The following MAGI1 variants were observed in gnomAD, a reference collection of about 807,000 sequenced individuals.
MAGI1 encodes membrane associated guanylate kinase, WW and PDZ domain containing 1.
A neutral mutation model predicts 139.9 loss-of-function variants in MAGI1; 58 were observed. The ratio of observed to expected loss-of-function variants is 0.41; its 90% CI spans 0.34 to 0.52. The LOEUF (loss-of-function observed/expected upper bound fraction) is 0.52, where lower values mean the gene tolerates loss of function less well. Ranked by LOEUF, MAGI1 falls within the 20% of genes least tolerant of loss-of-function variation. The pLI, the probability that MAGI1 is intolerant of heterozygous loss-of-function variation, is 0.12. For missense variants in MAGI1, 1,874 were observed against 1,901.6 expected, an observed-to-expected ratio of 0.99 and a Z score of 0.27; for synonymous variants, 812 against 737.9, an observed-to-expected ratio of 1.10 and a Z score of -1.63.
intron 1 of MAGI1, among the ~76,000 whole-genome samples, chr3:65,981,441 A>T (rs1317744446): frequency 6.6e-6 from 1 of 152,186 alleles, no homozygotes; most frequent in Admixed American, 6.5e-5. Context: ...GGTTTCTCAA[A>T]TCCTGCCTGA....
intron 1 of MAGI1, among the ~76,000 whole-genome samples, chr3:66,011,664 C>A (rs2067325971): frequency 6.6e-6 from 1 of 152,112 alleles, no homozygotes; most frequent in Non-Finnish European, 1.5e-5. Context: ...ATCTCAATGT[C>A]AGAGCTTCCT....
chr3:65,415,141 T>A (rs2107229355), intron 12 of MAGI1, among the ~76,000 whole-genome samples: 1 of 152,282 alleles, frequency 6.6e-6, no homozygotes, highest in South Asian at 2.1e-4. Context: ...CATTATTGTT[T>A]ACTGAAGGAA....
At position 65,604,567 on chromosome 3, in the gene MAGI1, T is replaced by G. The variant is rs541728736; in HGVS notation, c.430+17405A>C. Among the ~76,000 whole-genome samples the G allele has an allele frequency of 5.3e-5, 8 of 152,234 alleles. No homozygotes were observed. In the East Asian group the frequency reaches 1.5e-3, roughly 29 times the overall value. ...TGTCAGAGACAAATAATAAATCACT[T>G]CACAGTTATTTATATATTCATAGAG... On this transcript the variant is annotated intron_variant, in intron 2 of 22. Transcript: ENST00000402939.
At chr3:65,359,905 AGG>A (rs1940629904) in intron 22 of MAGI1, 1 of 985,290 alleles carries the variant, frequency 1.0e-6, no homozygotes, top group African/African-American at 1.7e-5. Flanking sequence ...AAGACAGAAA[AGG>A]GAGACAATGT....
At chr3:65,399,844 C>T (rs1944713199) in intron 13 of MAGI1, among the ~76,000 whole-genome samples, 1 of 152,124 alleles carries the variant, frequency 6.6e-6, no homozygotes, top group Non-Finnish European at 1.5e-5. Flanking sequence ...AAATCCTTTG[C>T]ACACTAAATT....
intron 2 of MAGI1, chr3:65,549,620 C>T (rs1273166919): frequency 3.8e-5 from 11 of 287,366 alleles, no homozygotes; most frequent in East Asian, 1.8e-4. Context: ...CTCCGGGCTG[C>T]GGCTGGTACC....
intron 4 of MAGI1, among the ~76,000 whole-genome samples, chr3:65,477,450 T>C (rs2107609278): frequency 6.6e-6 from 1 of 152,202 alleles, no homozygotes; most frequent in South Asian, 2.1e-4. Flanking sequence ...GAGGATAATC[T>C]CATATGTTGA....
At chr3:66,025,864 C>T (rs1383182963) in intron 1 of MAGI1, among the ~76,000 whole-genome samples, 1 of 151,848 alleles carries the variant, frequency 6.6e-6, no homozygotes, top group East Asian at 1.9e-4. Context: ...TTAAATTTCA[C>T]CAGGAAAATA....
At chr3:65,444,947 G>A (rs150077295) in intron 7 of MAGI1, among the ~76,000 whole-genome samples, 13 of 152,260 alleles carry the variant, frequency 8.5e-5, no homozygotes, top group Admixed American at 2.0e-4. Context: ...ATGGGTCATC[G>A]ATTTTAAATA....
At chr3:65,881,304 T>C (rs189546092) in intron 1 of MAGI1, among the ~76,000 whole-genome samples, 154 of 152,246 alleles carry the variant, frequency 1.0e-3, no homozygotes, top group Non-Finnish European at 1.7e-3. Flanking sequence ...ATAATAAATA[T>C]CTGATCAATG....
At chr3:65,601,726 A>G (rs1038709965) in intron 2 of MAGI1, among the ~76,000 whole-genome samples, 1 of 135,340 alleles carries the variant, frequency 7.4e-6, no homozygotes, top group South Asian at 2.1e-4. Context: ...CCAAAAGCAC[A>G]AATAAAAAAA....
At chr3:65,501,123 G>A (rs964099376) in intron 2 of MAGI1, among the ~76,000 whole-genome samples, 1 of 152,140 alleles carries the variant, frequency 6.6e-6, no homozygotes, top group African/African-American at 2.4e-5. Flanking sequence ...AAATCAAACT[G>A]CCTTTTGTGG....
At chr3:65,562,095 G>C (rs972666197) in intron 2 of MAGI1, among the ~76,000 whole-genome samples, 3 of 126,706 alleles carry the variant, frequency 2.4e-5, no homozygotes, top group African/African-American at 8.2e-5. Context: ...ACATAGGTAT[G>C]TATGCATGTC....
intron 2 of MAGI1, among the ~76,000 whole-genome samples, chr3:65,615,741 A>G (rs1291498363): frequency 6.6e-5 from 10 of 152,206 alleles, no homozygotes. Flanking sequence ...TCCAAATCAC[A>G]TCTAAACAAA....
chr3:65,976,195 T>C (rs1054960563), intron 1 of MAGI1, among the ~76,000 whole-genome samples: 2 of 152,196 alleles, frequency 1.3e-5, no homozygotes, highest in African/African-American at 2.4e-5. Context: ...TAAGATGATA[T>C]TGTAAAAGTC....
chr3:65,663,715 C>T (rs141116517), intron 1 of MAGI1, among the ~76,000 whole-genome samples: 2 of 152,216 alleles, frequency 1.3e-5, no homozygotes, highest in East Asian at 1.9e-4. Flanking sequence ...TTGACACTAC[C>T]GACATTTGGG....
At chr3:65,734,187 A>G (rs2034472501) in intron 1 of MAGI1, among the ~76,000 whole-genome samples, 1 of 152,182 alleles carries the variant, frequency 6.6e-6, no homozygotes, top group Admixed American at 6.5e-5. Flanking sequence ...GGGTGCAGTG[A>G]CTCACACCTG....
chr3:65,605,398 T>C (rs927477932), intron 2 of MAGI1, among the ~76,000 whole-genome samples: 5 of 152,084 alleles, frequency 3.3e-5, no homozygotes, highest in African/African-American at 1.2e-4. Flanking sequence ...CCTGAAAAAA[T>C]CTGCCACAGT....
chr3:65,531,324 T>C (rs1473070802), intron 2 of MAGI1, among the ~76,000 whole-genome samples: 1 of 152,136 alleles, frequency 6.6e-6, no homozygotes, highest in East Asian at 1.9e-4. Flanking sequence ...AATCTCCACT[T>C]AGACCCGTAA....
Sources: allele counts gnomAD v4.1 joint callset (sites outside exome capture counted in the v4.1 genomes callset), GRCh38; gene constraint gnomAD v4.1.1; transcripts MANE v1.5; gene names NCBI Gene and HGNC (gene_info 2026-07-23, HGNC 2026-07-21).